The following AP3B2 variants were observed in gnomAD, a reference collection of about 807,000 sequenced individuals.
AP3B2 encodes the protein adaptor related protein complex 3 subunit beta 2.
A neutral mutation model predicts 126.9 loss-of-function variants in AP3B2; 50 were observed. The observed-to-expected ratio is 0.39, with a 90% CI of 0.31 to 0.50. The LOEUF is 0.50. Among genes scored for constraint, AP3B2 ranks in the 20% least tolerant of loss-of-function variants. The probability of loss-of-function intolerance (pLI) is 0.79; values close to 1 mark genes in which losing one functional copy is unlikely to be tolerated. For missense variants in AP3B2, 1,177 were observed against 1,426.4 expected, an observed-to-expected ratio of 0.83 and a Z score of 2.82; for synonymous variants, 541 against 565.0, an observed-to-expected ratio of 0.96 and a Z score of 0.60.
In AP3B2 at chr15:82,664,397, T is replaced by G; in HGVS notation, c.2231A>C (p.Glu744Ala). Reference sequence around the variant, plus strand: ...ACTGCCTCTCCCTTTCTCCTCATCCTCATCCTGGTCTTCATTGTCGGACTC... The same window carrying G: ...ACTGCCTCTCCCTTTCTCCTCATCCGCATCCTGGTCTTCATTGTCGGACTC... ...SSESDNEDQD[E>A]DEEKGRGSES... The change falls in exon 19 of 27, where the codon GAG becomes GCG. Residue 744 changes from glutamate to alanine, a missense_variant. This residue lies in a region of AP3B2 where 587 missense variants were observed against 571.3 expected (regional missense o/e 1.03). Coordinates refer to ENST00000535359, the MANE Select transcript of AP3B2 (RefSeq NM_001278512.2). This position sits in a 1 kb window ranked among gnomAD's most constrained non-coding sequence, Gnocchi z 4.5. 4 of 1,613,962 alleles carry G rather than the reference T, an allele frequency of 2.5e-6. No individual in the cohort carries two copies. Among genetic ancestry groups the G allele is most frequent in the Non-Finnish European group, 3.4e-6 (4 of 1,179,870 alleles).
At chr15:82,700,397 C>CTTTTTTTTTTTTTTTGTTTTTTTT (rs2048700515) in intron 1 of AP3B2, among the ~76,000 whole-genome samples, 1 of 35,088 alleles carries the variant, frequency 2.8e-5, no homozygotes, top group African/African-American at 1.0e-4. Flanking sequence ...TGGTGGGTGG[C>CTTTTTTTTTTTTTTTGTTTTTTTT]TTTTTTTTTT....
chr15:82,688,279 G>A, intron 4 of AP3B2: 1 of 621,460 alleles, frequency 1.6e-6, no homozygotes, highest in South Asian at 1.9e-5. Context: ...CCTAACATAT[G>A]TAAATCCAAC....
In AP3B2 at chr15:82,700,397, CTTTTTT is replaced by C. The variant is rs1226910164; in HGVS notation, c.113+9191_113+9196del. Among the ~76,000 whole-genome samples, 14 of 35,098 alleles carry C rather than the reference CTTTTTT, an allele frequency of 4.0e-4. 1 individual carries two copies. Among genetic ancestry groups the C allele is most frequent in the African/African-American group, 1.2e-3 (12 of 9,942 alleles). 23.0% of individuals were successfully genotyped at this position (35,098 alleles called of 152,430 possible). ...CCACTGGCCTGCCAGTGGTGGGTGG[CTTTTTT>C]TTTTTTTTTTTTCAGATGGAGTTTC... On this transcript the variant is annotated intron_variant, in intron 1 of 26. Coordinates refer to ENST00000535359, the MANE Select transcript of AP3B2 (RefSeq NM_001278512.2).
rs774029831 is a variant in AP3B2 at position 82,680,785 on chromosome 15, C to T, written c.772-30G>A. ...ACGGGGAGACCGACGGGTCTGTGGGCGCCTCCCCGGGACACACTTCGGCCC... is the reference window on the plus strand; with the variant it reads ...ACGGGGAGACCGACGGGTCTGTGGGTGCCTCCCCGGGACACACTTCGGCCC... On this transcript the variant is annotated intron_variant, in intron 7 of 26. Coordinates refer to ENST00000535359, the MANE Select transcript of AP3B2 (RefSeq NM_001278512.2). The surrounding 1 kb of genome is among the most constrained non-coding windows in gnomAD (Gnocchi z 6.1). The T allele has an allele frequency of 2.5e-6, 4 of 1,603,814 alleles. No individual in the cohort carries two copies. The highest frequency in any genetic ancestry group is 2.2e-5 in the East Asian group (1 of 44,760).
At chr15:82,671,125 G>A (rs550911023) in intron 14 of AP3B2, among the ~76,000 whole-genome samples, 1 of 152,034 alleles carries the variant, frequency 6.6e-6, no homozygotes, top group South Asian at 2.1e-4. Context: ...TTTACTAAAA[G>A]TACAGAAATT....
At position 82,699,816 on chromosome 15, in the gene AP3B2, G is replaced by A. The variant is rs749485757; in HGVS notation, c.113+9778C>T. On this transcript the variant is annotated intron_variant, in intron 1 of 26. Coordinates refer to ENST00000535359, the MANE Select transcript of AP3B2 (RefSeq NM_001278512.2). ...GGCTAGCAGCCTCTTGATCAGCTCC[G>A]CAGGCCCCTCTGACCCCAGGCCTCA... 16 of 399,414 alleles carry A rather than the reference G, an allele frequency of 4.0e-5. No homozygotes were observed. The highest frequency in any genetic ancestry group is 6.6e-5 in the Non-Finnish European group (15 of 226,506). The allele number at this position is 399,414 out of a possible 1,614,324, so 24.7% of individuals were successfully genotyped here.
intron 1 of AP3B2, among the ~76,000 whole-genome samples, chr15:82,704,566 C>T (rs1475113763): frequency 1.3e-5 from 2 of 152,256 alleles, no homozygotes; most frequent in African/African-American, 2.4e-5. Flanking sequence ...GGAATGCCCA[C>T]AGCCCAGGAT....
chr15:82,667,421 C>T (rs1216362022), intron 14 of AP3B2, among the ~76,000 whole-genome samples: 1 of 152,212 alleles, frequency 6.6e-6, no homozygotes, highest in Non-Finnish European at 1.5e-5. Context: ...CCCTATCCAC[C>T]CATTTAGTAG....
At chr15:82,692,141 C>T in intron 1 of AP3B2, 1 of 1,494,388 alleles carries the variant, frequency 6.7e-7, no homozygotes, top group Non-Finnish European at 9.2e-7. Context: ...CCACACGAAG[C>T]CGACACTGGC....
chr15:82,708,038 G>A (rs576967980), intron 1 of AP3B2, among the ~76,000 whole-genome samples: 3 of 152,244 alleles, frequency 2.0e-5, no homozygotes, highest in Admixed American at 2.0e-4. Flanking sequence ...TCAGGCCTCT[G>A]AGCCCAAGCT....
chr15:82,697,726 GGACAGAAGA>G (rs1439516924), intron 1 of AP3B2: 2 of 152,234 alleles, frequency 1.3e-5, no homozygotes, highest in Admixed American at 6.5e-5. Flanking sequence ...TGTCATGTGA[GGACAGAAGA>G]AAATATCCAG....
intron 1 of AP3B2, among the ~76,000 whole-genome samples, chr15:82,696,012 T>C (rs1457903136): frequency 1.3e-5 from 2 of 152,174 alleles, no homozygotes; most frequent in Non-Finnish European, 2.9e-5. Flanking sequence ...AAACACACTT[T>C]GGGTTTTTCT....
chr15:82,681,112 C>T lies in AP3B2; in HGVS notation c.588G>A (p.Thr196=), dbSNP rs202130220. ...TCCCGGAGCGCCCCTATACACGCACCGTGGTCTTGTCAGCCAGAAGCTTCT... is the reference window on the plus strand; with the variant it reads ...TCCCGGAGCGCCCCTATACACGCACTGTGGTCTTGTCAGCCAGAAGCTTCT... ...VIEKLLADKT[T]LVAGSVVMAF... The change falls in exon 6 of 27, where the codon ACG becomes ACA. Residue 196 remains threonine (T), a splice_region_variant and synonymous_variant. Coordinates refer to ENST00000535359, the MANE Select transcript of AP3B2 (RefSeq NM_001278512.2). The surrounding 1 kb of genome is among the most constrained non-coding windows in gnomAD (Gnocchi z 4.0). 9 of 1,613,538 alleles carry T rather than the reference C, an allele frequency of 5.6e-6. No individual in the cohort carries two copies. Among genetic ancestry groups the T allele is most frequent in the Non-Finnish European group, 7.6e-6 (9 of 1,179,742 alleles).
intron 14 of AP3B2, 73 bp from the exon 15 acceptor site, chr15:82,667,006 A>G (rs1399333815): frequency 6.8e-7 from 1 of 1,470,594 alleles, no homozygotes; most frequent in Non-Finnish European, 9.3e-7. Context: ...CAGATTCTTT[A>G]AGCCGACACT....
intron 13 of AP3B2, 31 bp downstream of exon 13, chr15:82,677,243 G>A: frequency 6.5e-7 from 1 of 1,528,286 alleles, no homozygotes; most frequent in Non-Finnish European, 9.0e-7. Flanking sequence ...GGACCTTGAA[G>A]TGGGGAGTGA....
At chr15:82,700,330 G>T (rs1057115549) in intron 1 of AP3B2, among the ~76,000 whole-genome samples, 1 of 145,524 alleles carries the variant, frequency 6.9e-6, no homozygotes, top group Non-Finnish European at 1.5e-5. Flanking sequence ...CCCTCCAACT[G>T]CTCTCACATC....
At chr15:82,662,047 G>A in intron 24 of AP3B2, 121 bp downstream of exon 24, 1 of 1,293,036 alleles carries the variant, frequency 7.7e-7, no homozygotes, top group Non-Finnish European at 1.1e-6. Flanking sequence ...GGCCTGAGAT[G>A]GCTTCCAGAC....
At chr15:82,687,253 C>T (rs553136706) in intron 4 of AP3B2, 3 of 152,294 alleles carry the variant, frequency 2.0e-5, no homozygotes, top group South Asian at 4.1e-4. Context: ...TTTATTGGAA[C>T]ACGGCCACGC....
Position 82,680,552 on chromosome 15 carries a change from C to T in AP3B2, c.975G>A (p.Ala325=), listed in dbSNP as rs182414752. Residue 325 remains alanine, a synonymous_variant, in exon 8 of 27, where the codon GCG becomes GCA. Transcript: ENST00000535359. This position sits in a 1 kb window ranked among gnomAD's most constrained non-coding sequence, Gnocchi z 6.1. ...SRSAAVVMAV[A]QLYFHLAPKA... ...TGGGCGCCAGGTGGAAGTAGAGCTGCGCCACCGCCATCACCACCGCGGCGC... is the reference window on the plus strand; with the variant it reads ...TGGGCGCCAGGTGGAAGTAGAGCTGTGCCACCGCCATCACCACCGCGGCGC... 3.7e-4 allele frequency: 585 copies of T among 1,569,094 alleles called. 2 individuals carry two copies. The African/African-American group carries it at 6.7e-3, about 18-fold the overall frequency.
Sources: allele counts gnomAD v4.1 joint callset (sites outside exome capture counted in the v4.1 genomes callset), GRCh38; gene constraint gnomAD v4.1.1; regional missense constraint gnomAD v4.1.1; non-coding constraint Gnocchi (gnomAD v3.1); transcripts MANE v1.5; gene names NCBI Gene and HGNC (gene_info 2026-07-23, HGNC 2026-07-21).